Variants in RSPO4 observed in about 807,000 individuals in gnomAD.
RSPO4 encodes the protein R-spondin-4.
RSPO4 carries 23 observed loss-of-function variants against 24.8 expected under a neutral mutation model. The ratio of observed to expected loss-of-function variants is 0.93; its 90% CI spans 0.67 to 1.31. The LOEUF (loss-of-function observed/expected upper bound fraction) is 1.31. Ranked by LOEUF, RSPO4 falls within the 40% of genes most tolerant of loss-of-function variation. The pLI is 0.00. For synonymous variants in RSPO4, 141 were observed against 127.4 expected (o/e 1.11, Z -0.72); for missense variants, 333 against 316.5 (o/e 1.05, Z -0.39).
intron 1 of RSPO4, among the ~76,000 whole-genome samples, chr20:992,375 C>T (rs1179233508): frequency 6.6e-6 from 1 of 151,098 alleles, no homozygotes; most frequent in Non-Finnish European, 1.5e-5. Context: ...CACTGTGCCA[C>T]AGTCACACAG....
rs1215112092 is a variant in RSPO4, at chr20:982,552, C to T, written c.80-14414G>A. Among the ~76,000 whole-genome samples, 6 of 152,156 alleles carry T rather than the reference C, an allele frequency of 3.9e-5. No individual in the cohort carries two copies. The East Asian group carries it at 9.6e-4, about 24-fold the overall frequency. On this transcript the variant is annotated intron_variant, in intron 1 of 4. Coordinates refer to ENST00000217260, the MANE Select transcript of RSPO4 (RefSeq NM_001029871.4). ...CTGCTGCTCCTGTAATAACAGCGCC[C>T]GGCACCCAGTAGGTGCTCAGTGAGT...
intron 1 of RSPO4, among the ~76,000 whole-genome samples, chr20:988,258 A>G (rs1984984911): frequency 1.3e-5 from 2 of 152,146 alleles, no homozygotes; most frequent in South Asian, 4.1e-4. Context: ...CCTGGAAGTG[A>G]GTTGGGAAGC....
chr20:965,666 C>G (rs6056275), intron 3 of RSPO4, among the ~76,000 whole-genome samples: 26,113 of 151,998 alleles, frequency 0.17, 3,900 homozygotes, highest in African/African-American at 0.41. Context: ...GCACAGAGGA[C>G]AGAAACAAAT....
chr20:994,316 T>A (rs1985204464), intron 1 of RSPO4, among the ~76,000 whole-genome samples: 1 of 152,224 alleles, frequency 6.6e-6, no homozygotes, highest in South Asian at 2.1e-4. Context: ...GGCTGTTCTA[T>A]GTCCTGATGG....
Position 967,883 on chromosome 20 carries a change from G to T in RSPO4, c.268+67C>A. On this transcript the variant is annotated intron_variant, in intron 2 of 4. Transcript: ENST00000217260. Reference sequence around the variant, plus strand: ...CCCTCTGTCTGTGCTGGGGTGAAAGGGTGGGATCTAAGCCCATGGTGTCTA... The same window carrying T: ...CCCTCTGTCTGTGCTGGGGTGAAAGTGTGGGATCTAAGCCCATGGTGTCTA... The T allele has an allele frequency of 2.1e-6, 3 of 1,431,918 alleles. No homozygotes were observed. In the Admixed American group the frequency reaches 5.0e-5, roughly 24 times the overall value. 88.7% of individuals were successfully genotyped at this position (1,431,918 alleles called of 1,614,324 possible).
At position 968,517 on chromosome 20, in the gene RSPO4, G is replaced by A. The variant is rs573596364; in HGVS notation, c.80-379C>T. 7.9e-5 allele frequency among the ~76,000 whole-genome samples: 12 copies of A among 152,368 alleles called. No individual in the cohort carries two copies. In the East Asian group the frequency reaches 2.3e-3, roughly 29 times the overall value. ...GAAAAATCAGATAAAAAGCACCTGGGTGCCTGAGGAAGGCAGAACTGCTGT... is the reference window on the plus strand; with the variant it reads ...GAAAAATCAGATAAAAAGCACCTGGATGCCTGAGGAAGGCAGAACTGCTGT... On this transcript the variant is annotated intron_variant, in intron 1 of 4. Coordinates refer to ENST00000217260, the MANE Select transcript of RSPO4 (RefSeq NM_001029871.4).
chr20:977,292 T>G (rs1054599481), intron 1 of RSPO4, among the ~76,000 whole-genome samples: 1 of 152,242 alleles, frequency 6.6e-6, no homozygotes, highest in Non-Finnish European at 1.5e-5. Context: ...GGGCCCACAC[T>G]TTGAGAACTA....
At chr20:977,168 A>C (rs928525033) in intron 1 of RSPO4, among the ~76,000 whole-genome samples, 4 of 152,204 alleles carry the variant, frequency 2.6e-5, no homozygotes, top group Admixed American at 6.5e-5. Flanking sequence ...GAGCCTGTTA[A>C]AAACACAGGC....
intron 1 of RSPO4, among the ~76,000 whole-genome samples, chr20:985,960 G>A (rs1448288405): frequency 6.6e-6 from 1 of 152,222 alleles, no homozygotes; most frequent in Non-Finnish European, 1.5e-5. Flanking sequence ...ATGCAAAAGG[G>A]GTGGGGTCTG....
intron 1 of RSPO4, among the ~76,000 whole-genome samples, chr20:986,710 T>G (rs1984934194): frequency 6.6e-6 from 1 of 151,620 alleles, no homozygotes; most frequent in African/African-American, 2.4e-5. Flanking sequence ...TGTTACAACT[T>G]CAGTATCATC....
chr20:1,002,101 G>A lies in RSPO4; in HGVS notation c.64C>T (p.Arg22Ter), dbSNP rs1257966259. Residue 22 changes from arginine to a stop codon, truncating the protein, a stop_gained, in exon 1 of 5, where the codon CGA becomes TGA. Transcript: ENST00000217260. LOFTEE classifies it high-confidence loss of function. This position sits in a 1 kb window ranked among gnomAD's most constrained non-coding sequence, Gnocchi z 4.6. Reference protein sequence around the residue: ...AHAVDMLALNRRKKQVGTGLG... With the variant: ...AHAVDMLALN The stretch of plus-strand genomic sequence containing the variant: ...CCCCTTGTACCTTGCTTCTTCCTTC[G>A]GTTCAGGGCGAGCATGTCCACGGCG... 51 of 1,562,186 alleles carry A rather than the reference G, an allele frequency of 3.3e-5. No individual in the cohort carries two copies. Among genetic ancestry groups the A allele is most frequent in the Admixed American group, 5.7e-5 (3 of 53,024 alleles).
In RSPO4 at chr20:967,244, C is replaced by G; in HGVS notation, c.339G>C (p.Leu113Phe). 6.2e-7 allele frequency: 1 copy of G among 1,614,220 alleles called. No homozygotes were observed. Among genetic ancestry groups the G allele is most frequent in the South Asian group, 1.1e-5 (1 of 91,090 alleles). Residue 113 changes from leucine (L) to phenylalanine (F), a missense_variant, in exon 3 of 5, where the codon TTG becomes TTC. Transcript: ENST00000217260. ...FCIRCKRQFY[L>F]YKGKCLPTCP... is the part of the protein sequence containing the mutation. ...AGGTGGGCAGACACTTCCCCTTGTA[C>G]AAGTAAAACTGCCTCTTGCACCGGA...
Position 981,848 on chromosome 20 carries a change from G to C in RSPO4, c.80-13710C>G, listed in dbSNP as rs780182554. Among the ~76,000 whole-genome samples, 2 of 152,226 alleles carry C rather than the reference G, an allele frequency of 1.3e-5. No individual in the cohort carries two copies. On this transcript the variant is annotated intron_variant, in intron 1 of 4. Coordinates refer to ENST00000217260, the MANE Select transcript of RSPO4 (RefSeq NM_001029871.4). The surrounding 1 kb of genome is among the most constrained non-coding windows in gnomAD (Gnocchi z 4.6). ...GGCTCGGCTGGGGCCCAAATCAGGG[G>C]TTGACACAGTGAGAACAGGCTGCTG... is the stretch of plus-strand genomic sequence containing the variant.
intron 1 of RSPO4, among the ~76,000 whole-genome samples, chr20:1,000,174 C>A (rs1985418679): frequency 6.6e-6 from 1 of 152,174 alleles, no homozygotes; most frequent in Non-Finnish European, 1.5e-5. Flanking sequence ...TGGCCTAAAC[C>A]AGCTCCTCTT....
chr20:992,810 T>A (rs1568931086), intron 1 of RSPO4, among the ~76,000 whole-genome samples: 1 of 152,210 alleles, frequency 6.6e-6, no homozygotes, highest in African/African-American at 2.4e-5. Context: ...GCACTCCCTA[T>A]GTACCAGCAA....
chr20:1,000,775 C>T (rs11908461), intron 1 of RSPO4, among the ~76,000 whole-genome samples: 5,241 of 152,248 alleles, frequency 0.034, 251 homozygotes, highest in East Asian at 0.22. Flanking sequence ...GAGTCCCAAA[C>T]TCACCCCAGC....
Position 960,114 on chromosome 20 carries a change from G to A in RSPO4, c.*243C>T. ...GGAAAGATAAAAGATAAGTGAGAAAGAAGAGGAAGGAAGGGAAGGAGGGAG... is the reference window on the plus strand; with the variant it reads ...GGAAAGATAAAAGATAAGTGAGAAAAAAGAGGAAGGAAGGGAAGGAGGGAG... On this transcript the variant is annotated 3_prime_UTR_variant, in exon 5 of 5. Coordinates refer to ENST00000217260, the MANE Select transcript of RSPO4 (RefSeq NM_001029871.4). The A allele has an allele frequency of 6.9e-6, 4 of 575,604 alleles. No individual in the cohort carries two copies. In the South Asian group the frequency reaches 8.5e-5, roughly 12 times the overall value. 35.7% of individuals were successfully genotyped at this position (575,604 alleles called of 1,614,324 possible).
At chr20:978,944 T>G (rs1182112631) in intron 1 of RSPO4, among the ~76,000 whole-genome samples, 1 of 151,922 alleles carries the variant, frequency 6.6e-6, no homozygotes, top group Non-Finnish European at 1.5e-5. Context: ...CAAAATACAG[T>G]AAGAATAGGC....
intron 1 of RSPO4, among the ~76,000 whole-genome samples, chr20:989,848 C>T (rs999253201): frequency 1.3e-5 from 2 of 152,302 alleles, no homozygotes; most frequent in Non-Finnish European, 2.9e-5. Context: ...GCTGGAGACG[C>T]GGGCCTCTGG....
Sources: allele counts gnomAD v4.1 joint callset (sites outside exome capture counted in the v4.1 genomes callset), GRCh38; gene constraint gnomAD v4.1.1; non-coding constraint Gnocchi (gnomAD v3.1); transcripts MANE v1.5; gene names NCBI Gene and HGNC (gene_info 2026-07-23, HGNC 2026-07-21).